The following ACSM5 variants were observed in gnomAD, a reference collection of about 807,000 sequenced individuals.
ACSM5 encodes acyl-coenzyme A synthetase ACSM5, mitochondrial.
A neutral mutation model predicts 71.6 loss-of-function variants in ACSM5; 56 were observed. That is an observed-to-expected ratio of 0.78 (90% CI 0.63 to 0.98). The LOEUF is 0.98. ACSM5 is among the 50% of genes least tolerant of loss of function. The probability of loss-of-function intolerance (pLI) is 0.00; values close to 1 mark genes in which losing one functional copy is unlikely to be tolerated. For synonymous variants in ACSM5, 285 were observed against 281.5 expected, an observed-to-expected ratio of 1.01 and a Z score of -0.12; for missense variants, 723 against 726.0, an observed-to-expected ratio of 1.00 and a Z score of 0.05.
intron 3 of ACSM5, among the ~76,000 whole-genome samples, chr16:20,418,922 G>T (rs1012107167): frequency 1.1e-4 from 17 of 152,152 alleles, no homozygotes; most frequent in African/African-American, 4.1e-4. Flanking sequence ...AGGGGGACAG[G>T]TCCTCCTGTT....
At position 20,418,327 on chromosome 16, in the gene ACSM5, G is replaced by T. The variant is rs1159026565; in HGVS notation, c.415+58G>T. ...GGCAGACACAACTTGCCAGAGCTTTGCAGTGTCCACAGGGTCTTGAAGATG... is the reference window on the plus strand; with the variant it reads ...GGCAGACACAACTTGCCAGAGCTTTTCAGTGTCCACAGGGTCTTGAAGATG... On this transcript the variant is annotated intron_variant, in intron 3 of 13. Transcript: ENST00000331849. 3 of 1,526,334 alleles carry T rather than the reference G, an allele frequency of 2.0e-6. No individual in the cohort carries two copies. In the African/African-American group the frequency reaches 4.1e-5, roughly 21 times the overall value. 94.5% of individuals were successfully genotyped at this position (1,526,334 alleles called of 1,614,324 possible).
chr16:20,428,969 ATTTTC>A (rs1369838971), intron 7 of ACSM5, among the ~76,000 whole-genome samples: 11 of 150,792 alleles, frequency 7.3e-5, no homozygotes, highest in African/African-American at 2.7e-4. Context: ...TATCTTTTCC[ATTTTC>A]TTTTCTTTCC....
In ACSM5 at chr16:20,437,124, A is replaced by G. The variant is rs766194650; in HGVS notation, c.1381A>G (p.Lys461Glu). Residue 461 changes from lysine to glutamate, a missense_variant, in exon 11 of 14, where the codon AAG becomes GAG. Lys to Glu is a moderately conservative substitution (Grantham distance 56, BLOSUM62 1). Coordinates refer to ENST00000331849, the MANE Select transcript of ACSM5 (RefSeq NM_017888.3). ...YITGDRARMD[K>E]DGYFWFMGRN... ...CACAGGGGACCGAGCTCGCATGGAC[A>G]AGGATGGCTACTTTTGGTTCATGGG... The G allele has an allele frequency of 8.7e-6, 14 of 1,614,088 alleles. 1 individual carries two copies. The South Asian group carries it at 1.2e-4, about 14-fold the overall frequency.
chr16:20,426,478 A>G (rs1458380783), intron 6 of ACSM5, among the ~76,000 whole-genome samples: 1 of 152,204 alleles, frequency 6.6e-6, no homozygotes, highest in Non-Finnish European at 1.5e-5. Flanking sequence ...AGCAGCATTA[A>G]CAATAACTAA....
In ACSM5 at chr16:20,439,869, C is replaced by T; in HGVS notation, c.1606C>T (p.Leu536Phe). 2 of 1,612,410 alleles carry T rather than the reference C, an allele frequency of 1.2e-6. No homozygotes were observed. Among genetic ancestry groups the T allele is most frequent in the Non-Finnish European group, 1.7e-6 (2 of 1,178,780 alleles). ...SHDPEALTRE[L>F]QEHVKRVTAP... ...TGACCCAGAGGCACTAACGCGGGAA[C>T]TCCAGGAGCATGTGAAAAGGGTGAC... is the stretch of plus-strand genomic sequence containing the variant. The change falls in exon 13 of 14, where the codon CTC becomes TTC. Residue 536 changes from leucine (L) to phenylalanine (F), a missense_variant. By Grantham distance (22) the Leu-to-Phe change is conservative (BLOSUM62 0). Transcript: ENST00000331849.
Position 20,421,340 on chromosome 16 carries a change from G to A in ACSM5, c.706G>A (p.Ala236Thr), listed in dbSNP as rs748617727. The A allele has an allele frequency of 6.2e-6, 10 of 1,609,926 alleles. No individual in the cohort carries two copies. Among genetic ancestry groups the A allele is most frequent in the East Asian group, 4.5e-5 (2 of 44,554 alleles). ...CTACTTTACCAGCGGAACCACCGGG[G>A]CCCCCAAGATGGTCGAGCACTCCCA... ...AIYFTSGTTG[A>T]PKMVEHSQSS... is the part of the protein sequence containing the mutation. The change falls in exon 5 of 14, where the codon GCC becomes ACC. Residue 236 changes from alanine to threonine, a missense_variant. Coordinates refer to ENST00000331849, the MANE Select transcript of ACSM5 (RefSeq NM_017888.3).
chr16:20,419,984 G>A (rs899383233), intron 4 of ACSM5, among the ~76,000 whole-genome samples: 2 of 152,208 alleles, frequency 1.3e-5, no homozygotes, highest in African/African-American at 4.8e-5. Flanking sequence ...TGAGGAAACT[G>A]AGACTTGGAA....
chr16:20,431,069 T>C lies in ACSM5; in HGVS notation c.1202T>C (p.Val401Ala), dbSNP rs1192085095. 3 of 1,613,252 alleles carry C rather than the reference T, an allele frequency of 1.9e-6. No homozygotes were observed. The highest frequency in any genetic ancestry group is 2.2e-5 in the East Asian group (1 of 44,876). ...GGGAAGGCGTCCCCACCCTACGATG[T>C]GCAGGTAGCAGCCTCCCCCAACTTC... ...SMGKASPPYD[V>A]QIVDDEGNVL... The change falls in exon 9 of 14, where the codon GTG (valine) becomes GCG (alanine). Residue 401 changes from valine to alanine, a missense_variant. Physicochemically the swap from Val to Ala is moderately conservative, Grantham distance 64 (BLOSUM62 0). Transcript: ENST00000331849.
At chr16:20,432,701 C>T (rs1396660265) in intron 10 of ACSM5, among the ~76,000 whole-genome samples, 1 of 152,138 alleles carries the variant, frequency 6.6e-6, no homozygotes, top group African/African-American at 2.4e-5. Context: ...ACTTACTGCA[C>T]TTGTACACTT....
chr16:20,438,878 C>A (rs1056483409), intron 12 of ACSM5, among the ~76,000 whole-genome samples: 1 of 149,086 alleles, frequency 6.7e-6, no homozygotes, highest in African/African-American at 2.5e-5. Flanking sequence ...TGGCGTGAAC[C>A]CAGGAGGCAG....
intron 6 of ACSM5, among the ~76,000 whole-genome samples, chr16:20,425,679 A>G (rs900369789): frequency 2.0e-4 from 30 of 152,240 alleles, no homozygotes; most frequent in African/African-American, 7.2e-4. Context: ...AACATAAAAT[A>G]TTTGGTTTTC....
chr16:20,423,153 G>C (rs1437828173), intron 5 of ACSM5, among the ~76,000 whole-genome samples: 1 of 152,194 alleles, frequency 6.6e-6, no homozygotes, highest in Admixed American at 6.5e-5. Flanking sequence ...ACTGAAAAGA[G>C]AATGGGTCTC....
In ACSM5 at chr16:20,424,012, T is replaced by C. The variant is rs1466456178; in HGVS notation, c.864T>C (p.Asn288=). 1 of 1,614,192 alleles carries C rather than the reference T, an allele frequency of 6.2e-7. No individual in the cohort carries two copies. The highest frequency in any genetic ancestry group is 1.7e-5 in the Admixed American group (1 of 60,022). The stretch of plus-strand genomic sequence containing the variant: ...GGACTCTCTTCTCTGCCTGGCCTAA[T>C]GGATCTTGCATTTTTGTGCATGAGC... ...AAWTLFSAWP[N]GSCIFVHELP... The change falls in exon 6 of 14, where the codon AAT becomes AAC. Residue 288 remains asparagine, a synonymous_variant. Transcript: ENST00000331849.
chr16:20,423,613 T>C (rs554622173), intron 5 of ACSM5, among the ~76,000 whole-genome samples: 3 of 152,220 alleles, frequency 2.0e-5, no homozygotes, highest in Non-Finnish European at 2.9e-5. Context: ...GCTAAATAAA[T>C]GTTGGCTAAA....
rs1407092779 is a variant in ACSM5, at chr16:20,439,700, G to A, written c.1537-100G>A. ...CAAAAAAAACTAGTAGAACTTTCATGGTGCAAAGGTAAATGTAGGCACTTA... is the reference window on the plus strand; with the variant it reads ...CAAAAAAAACTAGTAGAACTTTCATAGTGCAAAGGTAAATGTAGGCACTTA... On this transcript the variant is annotated intron_variant, in intron 12 of 13. Coordinates refer to ENST00000331849, the MANE Select transcript of ACSM5 (RefSeq NM_017888.3). 10 of 1,312,928 alleles carry A rather than the reference G, an allele frequency of 7.6e-6. No individual in the cohort carries two copies. The African/African-American group carries it at 9.2e-5, about 12-fold the overall frequency. 81.3% of individuals were successfully genotyped at this position (1,312,928 alleles called of 1,614,324 possible).
In ACSM5 at chr16:20,416,146, T is replaced by C. The variant is rs114455033; in HGVS notation, c.205-1913T>C. On this transcript the variant is annotated intron_variant, in intron 2 of 13. Transcript: ENST00000331849. ...ATTAAAAGAATTAATATTGTTAAGA[T>C]GAAAATACACCCCAAATTGAGCTGC... Among the ~76,000 whole-genome samples the C allele has an allele frequency of 1.2e-3, 184 of 152,160 alleles. 1 individual carries two copies. The highest frequency in any genetic ancestry group is 4.1e-3 in the African/African-American group (169 of 41,522).
At chr16:20,410,519 C>A (rs1374738289) in intron 1 of ACSM5, among the ~76,000 whole-genome samples, 2 of 152,074 alleles carry the variant, frequency 1.3e-5, no homozygotes, top group African/African-American at 2.4e-5. Flanking sequence ...CACTTGAGGC[C>A]AGGGGTTCAA....
intron 10 of ACSM5, among the ~76,000 whole-genome samples, chr16:20,431,921 G>A (rs1424031628): frequency 6.6e-6 from 1 of 150,430 alleles, no homozygotes; most frequent in African/African-American, 2.4e-5. Flanking sequence ...CTCCAGCCTG[G>A]GTGAGGGAAC....
chr16:20,435,239 G>A (rs554006314), intron 10 of ACSM5, among the ~76,000 whole-genome samples: 3 of 152,214 alleles, frequency 2.0e-5, no homozygotes, highest in African/African-American at 7.2e-5. Flanking sequence ...CTCCATGTTG[G>A]CCAGGCTGGT....
Sources: gnomAD v4.1 joint callset for allele counts (sites outside exome capture counted in the v4.1 genomes callset) on GRCh38, gnomAD v4.1.1 for gene constraint, MANE v1.5 for transcripts, NCBI Gene and HGNC (gene_info 2026-07-23, HGNC 2026-07-21) for gene names.